The following ZNF208 variants were observed in gnomAD, a reference collection of about 807,000 sequenced individuals.
ZNF208 encodes the protein zinc finger protein 95.
In ZNF208, 10 loss-of-function variants were observed where a neutral mutation model predicts 12.1. The observed-to-expected ratio is 0.83, with a 90% CI of 0.51 to 1.40. The LOEUF is 1.40. Among genes scored for constraint, ZNF208 ranks in the 40% most tolerant of loss-of-function variants. The probability of loss-of-function intolerance (pLI) is 0.00; values close to 1 mark genes in which losing one functional copy is unlikely to be tolerated. For missense variants in ZNF208, 1,652 were observed against 1,485.0 expected (o/e 1.11, Z -1.85); for synonymous variants, 497 against 488.4 (o/e 1.02, Z -0.23).
chr19:21,977,637 C>T (rs1212174680), intron 3 of ZNF208, among the ~76,000 whole-genome samples: 1 of 152,164 alleles, frequency 6.6e-6, no homozygotes, highest in African/African-American at 2.4e-5. Flanking sequence ...GTTTCAAGCA[C>T]AAAACTGGGT....
downstream of ZNF208, among the ~76,000 whole-genome samples, chr19:21,964,784 T>A (rs1275884290): frequency 6.6e-6 from 1 of 151,866 alleles, no homozygotes; most frequent in East Asian, 1.9e-4. Context: ...AATATAAGAA[T>A]ACTTCTTCCA....
intron 4 of ZNF208, among the ~76,000 whole-genome samples, chr19:21,944,520 G>A (rs1037458957): frequency 6.6e-6 from 1 of 151,854 alleles, no homozygotes; most frequent in Non-Finnish European, 1.5e-5. Context: ...AAATATGCAT[G>A]GTTTTATTCT....
Position 21,986,756 on chromosome 19 carries a change from G to T in ZNF208, c.226+460C>A, listed in dbSNP as rs191244728. ...TTTATAATTTCAAACTATATTTCAA[G>T]ACTACAGTAATAAAAACAGGATGAA... On this transcript the variant is annotated intron_variant, in intron 3 of 3. Coordinates refer to ENST00000397126, the MANE Select transcript of ZNF208 (RefSeq NM_007153.3). The T allele has an allele frequency of 7.8e-4, 252 of 321,754 alleles. 3 individuals are homozygous for T. Among genetic ancestry groups the T allele is most frequent in the Non-Finnish European group, 1.1e-3 (199 of 178,460 alleles). 19.9% of individuals were successfully genotyped at this position (321,754 alleles called of 1,614,324 possible).
intron 4 of ZNF208, among the ~76,000 whole-genome samples, chr19:21,946,223 G>A (rs556815740): frequency 5.9e-5 from 9 of 152,178 alleles, no homozygotes; most frequent in Admixed American, 5.9e-4. Context: ...GCCCTTGATT[G>A]GTCGTGGGCC....
intron 1 of ZNF208, among the ~76,000 whole-genome samples, chr19:21,990,105 A>G (rs1217430648): frequency 2.0e-5 from 3 of 152,006 alleles, no homozygotes. Context: ...CCATTTGTCA[A>G]TTTTGGCTTT....
intron 1 of ZNF208, among the ~76,000 whole-genome samples, chr19:21,991,260 A>G (rs905278808): frequency 2.2e-4 from 34 of 152,154 alleles, no homozygotes; most frequent in Admixed American, 1.3e-4. Flanking sequence ...GATAGCTCTT[A>G]TTATTTTGAG....
chr19:21,968,723 C>A lies in ZNF208; in HGVS notation c.*2468G>T, dbSNP rs1397223995. Among the ~76,000 whole-genome samples the A allele has an allele frequency of 6.6e-6, 1 of 151,764 alleles. No individual in the cohort carries two copies. Among genetic ancestry groups the A allele is most frequent in the African/African-American group, 2.4e-5 (1 of 41,286 alleles). ...TTAATATAACAAGTTAGGGTGAAAT[C>A]CCACCTTGATTTTTTCGAATGCATT... On this transcript the variant is annotated 3_prime_UTR_variant, in exon 4 of 4. Coordinates refer to ENST00000397126, the MANE Select transcript of ZNF208 (RefSeq NM_007153.3).
chr19:21,986,970 C>T (rs1001703629), intron 3 of ZNF208: 32 of 487,340 alleles, frequency 6.6e-5, no homozygotes, highest in Middle Eastern at 5.0e-4. Flanking sequence ...ATGCCATGAA[C>T]AGTACTTTGG....
chr19:21,967,700 T>A lies in ZNF208; in HGVS notation c.*3491A>T, dbSNP rs925356272. ...CATGCTTGGCCCAGATTTATTCTTTTAGTCTGAAGTTTTCTTGGCTATTTG... is the reference window on the plus strand; with the variant it reads ...CATGCTTGGCCCAGATTTATTCTTTAAGTCTGAAGTTTTCTTGGCTATTTG... On this transcript the variant is annotated 3_prime_UTR_variant, in exon 4 of 4. Coordinates refer to ENST00000397126, the MANE Select transcript of ZNF208 (RefSeq NM_007153.3). The A allele has an allele frequency of 2.0e-5, 3 of 152,172 alleles. No homozygotes were observed. The highest frequency in any genetic ancestry group is 7.2e-5 in the African/African-American group (3 of 41,448). The allele number at this position is 152,172 out of a possible 1,614,324, so 9.4% of individuals were successfully genotyped here. A position where few individuals can be genotyped will look rare whatever the true frequency, so the allele number is the denominator to read the frequency against.
intron 1 of ZNF208, among the ~76,000 whole-genome samples, chr19:22,005,907 A>C (rs7248488): frequency 0.59 from 89,149 of 151,908 alleles, 26,418 homozygotes; most frequent in East Asian, 0.69. Flanking sequence ...TGAAAAGAAA[A>C]ACCCTTCTCA....
At chr19:21,954,217 GTTC>G (rs1296917130) in intron 4 of ZNF208, among the ~76,000 whole-genome samples, 2 of 152,288 alleles carry the variant, frequency 1.3e-5, no homozygotes, top group East Asian at 3.9e-4. Context: ...TGTGATTTCT[GTTC>G]TTTTCCATTT....
intron 4 of ZNF208, among the ~76,000 whole-genome samples, chr19:21,945,996 A>G (rs1599600420): frequency 6.6e-6 from 1 of 152,138 alleles, no homozygotes; most frequent in African/African-American, 2.4e-5. Context: ...AGGAGAACCT[A>G]AAGCCCATTT....
intron 1 of ZNF208, among the ~76,000 whole-genome samples, chr19:22,007,974 A>C (rs1201762246): frequency 1.4e-5 from 2 of 141,154 alleles, no homozygotes; most frequent in Non-Finnish European, 3.0e-5. Flanking sequence ...ACTGCAGTCC[A>C]GCCTGGGTGA....
In ZNF208 at chr19:21,971,128, A is replaced by G. The variant is rs1480738033; in HGVS notation, c.*63T>C. The stretch of plus-strand genomic sequence containing the variant: ...ATTTGTAGGGTTTCTCTCCAGTATG[A>G]ATTTTCTTATGATAACTAAGGGTTG... On this transcript the variant is annotated 3_prime_UTR_variant, in exon 4 of 4. Transcript: ENST00000397126. The G allele has an allele frequency of 6.2e-7, 1 of 1,612,806 alleles. No individual in the cohort carries two copies. The highest frequency in any genetic ancestry group is 1.7e-5 in the Admixed American group (1 of 59,780).
chr19:21,973,901 T>C lies in ZNF208; in HGVS notation c.1133A>G (p.Tyr378Cys), dbSNP rs1253635005. ...PYKCEECGKA[Y>C]KWPSTLSYHK... is the part of the protein sequence containing the mutation. ...ATAACTAAGGGTTGAGGGCCACTTA[T>C]AGGCTTTGCCGCATTCTTCACATTT... The change falls in exon 4 of 4, where the codon TAT (tyrosine) becomes TGT (cysteine). Residue 378 changes from tyrosine (Y) to cysteine (C), a missense_variant. Tyr to Cys is a radical substitution (Grantham distance 194). Around this residue, in one of 3 missense-constraint regions of ZNF208, gnomAD observed 1,239 missense variants for 1,086.2 expected, o/e 1.14. Coordinates refer to ENST00000397126, the MANE Select transcript of ZNF208 (RefSeq NM_007153.3). 7 of 1,611,406 alleles carry C rather than the reference T, an allele frequency of 4.3e-6. No homozygotes were observed. Among genetic ancestry groups the C allele is most frequent in the East Asian group, 4.5e-5 (2 of 44,660 alleles).
intron 4 of ZNF208, among the ~76,000 whole-genome samples, chr19:21,955,796 GT>G (rs1340730761): frequency 6.6e-6 from 1 of 152,184 alleles, no homozygotes; most frequent in African/African-American, 2.4e-5. Flanking sequence ...GCTCGGAGAA[GT>G]TTGTTATTAC....
At chr19:21,983,606 T>C (rs1970583358) in intron 3 of ZNF208, among the ~76,000 whole-genome samples, 2 of 152,092 alleles carry the variant, frequency 1.3e-5, no homozygotes, top group Admixed American at 1.3e-4. Flanking sequence ...CCAACCCAAA[T>C]GCCCATCAGT....
chr19:21,945,432 T>C (rs1969801449), intron 4 of ZNF208, among the ~76,000 whole-genome samples: 1 of 152,224 alleles, frequency 6.6e-6, no homozygotes, highest in Non-Finnish European at 1.5e-5. Flanking sequence ...ATTCACACTA[T>C]CATGCTTTGT....
chr19:21,970,694 G>A lies in ZNF208; in HGVS notation c.*497C>T. 1 of 1,151,202 alleles carries A rather than the reference G, an allele frequency of 8.7e-7. No individual in the cohort carries two copies. The highest frequency in any genetic ancestry group is 1.5e-5 in the African/African-American group (1 of 65,748). 71.3% of individuals were successfully genotyped at this position (1,151,202 alleles called of 1,614,324 possible). ...TTGCCACATTCTTCTCATTTGTAGAGTTTCTCTCCAGCATGAATTTTCTTA... is the reference window on the plus strand; with the variant it reads ...TTGCCACATTCTTCTCATTTGTAGAATTTCTCTCCAGCATGAATTTTCTTA... On this transcript the variant is annotated 3_prime_UTR_variant, in exon 4 of 4. Transcript: ENST00000397126.
Sources: allele counts gnomAD v4.1 joint callset (sites outside exome capture counted in the v4.1 genomes callset), GRCh38; gene constraint gnomAD v4.1.1; regional missense constraint gnomAD v4.1.1; transcripts MANE v1.5; gene names NCBI Gene and HGNC (gene_info 2026-07-23, HGNC 2026-07-21).